The following EP300 variants were observed in gnomAD, a reference collection of about 807,000 sequenced individuals.
EP300 encodes the protein histone acetyltransferase p300.
EP300 carries 31 observed loss-of-function variants against 264.0 expected under a neutral mutation model. That is an observed-to-expected ratio of 0.12 (90% CI 0.09 to 0.16). The LOEUF (loss-of-function observed/expected upper bound fraction) is 0.16. Among genes scored for constraint, EP300 ranks in the 10% least tolerant of loss-of-function variants. The pLI is 1.00. For synonymous variants in EP300, 1,340 were observed against 1,045.4 expected (o/e 1.28, Z -5.44); for missense variants, 2,766 against 3,052.9 (o/e 0.91, Z 2.21).
chr22:41,100,535 C>G (rs935357494), intron 1 of EP300, among the ~76,000 whole-genome samples: 1 of 152,112 alleles, frequency 6.6e-6, no homozygotes, highest in Admixed American at 6.6e-5. Context: ...GAGTCAGCCA[C>G]AGATTGAAAA....
intron 8 of EP300, 23 bp from the exon 9 acceptor site, chr22:41,140,117 G>T (rs773989421): frequency 2.2e-5 from 33 of 1,503,302 alleles, no homozygotes; most frequent in Middle Eastern, 1.7e-4. Flanking sequence ...TGATATTACA[G>T]TGGTAGGATT....
In EP300 at chr22:41,129,166, ATGG is replaced by A. The variant is rs1182337660; in HGVS notation, c.1169-723_1169-721del. Among the ~76,000 whole-genome samples the A allele has an allele frequency of 2.3e-4, 20 of 86,670 alleles. No individual in the cohort carries two copies. In the Admixed American group the frequency reaches 2.7e-3, roughly 12 times the overall value. 56.9% of individuals were successfully genotyped at this position (86,670 alleles called of 152,430 possible). A position where few individuals can be genotyped will look rare whatever the true frequency, so the allele number is the denominator to read the frequency against. On this transcript the variant is annotated intron_variant, in intron 4 of 30. Coordinates refer to ENST00000263253, the MANE Select transcript of EP300 (RefSeq NM_001429.4). The stretch of plus-strand genomic sequence containing the variant: ...GATGGGACTACAGGCGCCCGCCACC[ATGG>A]CGGCTAATTTTTTTTGTATTTTTGG...
chr22:41,094,398 C>G (rs1447135528), intron 1 of EP300, among the ~76,000 whole-genome samples: 1 of 152,184 alleles, frequency 6.6e-6, no homozygotes, highest in East Asian at 1.9e-4. Context: ...AGAGCTAATG[C>G]TTTGAATTCG....
chr22:41,176,814 T>C lies in EP300; in HGVS notation c.5103T>C (p.His1701=). Residue 1701 remains histidine, a synonymous_variant, in exon 31 of 31, where the codon CAT becomes CAC. Coordinates refer to ENST00000263253, the MANE Select transcript of EP300 (RefSeq NM_001429.4). The stretch of plus-strand genomic sequence containing the variant: ...TCACCTGCTATAACACTAAAAACCA[T>C]GACCACAAAATGGAGAAACTAGGCC... ...LCITCYNTKN[H]DHKMEKLGLG... is the part of the protein sequence containing the mutation. 1 of 1,614,168 alleles carries C rather than the reference T, an allele frequency of 6.2e-7. No homozygotes were observed. The highest frequency in any genetic ancestry group is 1.1e-5 in the South Asian group (1 of 91,074).
chr22:41,137,596 A>C (rs1393306305), intron 7 of EP300, 57 bp from the exon 8 acceptor site: 1 of 1,609,176 alleles, frequency 6.2e-7, no homozygotes, highest in African/African-American at 1.3e-5. Flanking sequence ...GCTTGAATTA[A>C]ATGAGGTCTT....
chr22:41,141,637 G>C (rs1186616113), intron 10 of EP300, among the ~76,000 whole-genome samples: 2 of 151,034 alleles, frequency 1.3e-5, no homozygotes, highest in African/African-American at 4.9e-5. Context: ...CTTTCTACTT[G>C]ACATAAAATA....
intron 12 of EP300, among the ~76,000 whole-genome samples, chr22:41,148,299 T>C (rs1360535035): frequency 1.3e-5 from 2 of 152,326 alleles, no homozygotes; most frequent in Admixed American, 6.5e-5. Flanking sequence ...CTGCTCCTTA[T>C]GCGAACTCTT....
intron 14 of EP300, among the ~76,000 whole-genome samples, chr22:41,150,840 G>A (rs943272842): frequency 3.4e-4 from 52 of 151,030 alleles, no homozygotes; most frequent in African/African-American, 1.1e-3. Flanking sequence ...GCAGTGATCC[G>A]AGATTGCGCC....
intron 14 of EP300, 46 bp downstream of exon 14, chr22:41,150,244 T>C (rs761832389): frequency 1.3e-6 from 2 of 1,535,944 alleles, no homozygotes; most frequent in Non-Finnish European, 1.8e-6. Flanking sequence ...AGCTATACTG[T>C]AGTATTATAT....
intron 1 of EP300, among the ~76,000 whole-genome samples, chr22:41,111,419 C>T (rs2058789548): frequency 6.6e-6 from 1 of 152,190 alleles, no homozygotes; most frequent in Non-Finnish European, 1.5e-5. Context: ...AAATTGACAA[C>T]AGTTGTGTAT....
At chr22:41,096,914 C>T (rs139945144) in intron 1 of EP300, among the ~76,000 whole-genome samples, 1 of 152,138 alleles carries the variant, frequency 6.6e-6, no homozygotes, top group East Asian at 1.9e-4. Context: ...CCACCATGCC[C>T]GGCTGTCAGC....
rs1384121583 is a variant in EP300, at chr22:41,170,581, G to A, written c.4452+10G>A. The A allele has an allele frequency of 6.2e-7, 1 of 1,612,808 alleles. No individual in the cohort carries two copies. The highest frequency in any genetic ancestry group is 8.5e-7 in the Non-Finnish European group (1 of 1,179,430). On this transcript the variant is annotated intron_variant, in intron 27 of 30. Coordinates refer to ENST00000263253, the MANE Select transcript of EP300 (RefSeq NM_001429.4). ...TGTCCATGACTACAAGGTCAGTTGG[G>A]ACATAGGGGCCAGGTGCTGACAATA...
chr22:41,164,994 G>A (rs1217967629), intron 22 of EP300, among the ~76,000 whole-genome samples: 1 of 152,194 alleles, frequency 6.6e-6, no homozygotes, highest in Non-Finnish European at 1.5e-5. Context: ...TTCTTGGGCT[G>A]ATTGTTGTTC....
chr22:41,147,042 C>T (rs1481451568), intron 11 of EP300, among the ~76,000 whole-genome samples: 2 of 152,106 alleles, frequency 1.3e-5, no homozygotes, highest in East Asian at 3.9e-4. Flanking sequence ...TGGTGGCTCA[C>T]GCTTGTAATC....
At chr22:41,120,521 A>T (rs780925198) in intron 2 of EP300, among the ~76,000 whole-genome samples, 1 of 152,172 alleles carries the variant, frequency 6.6e-6, no homozygotes, top group Non-Finnish European at 1.5e-5. Context: ...CCTGTTGGCA[A>T]ATGACATCAG....
At chr22:41,133,145 A>G (rs1007637558) in intron 6 of EP300, among the ~76,000 whole-genome samples, 1 of 117,878 alleles carries the variant, frequency 8.5e-6, no homozygotes, top group Admixed American at 1.1e-4. Flanking sequence ...CACCTGGCCT[A>G]AGATTATCCC....
chr22:41,113,084 G>T (rs1003283287), intron 1 of EP300, among the ~76,000 whole-genome samples: 1 of 149,740 alleles, frequency 6.7e-6, no homozygotes, highest in Non-Finnish European at 1.5e-5. Flanking sequence ...CCATTTCTCA[G>T]TCTGTACCTA....
chr22:41,129,019 T>G (rs2145712098), intron 4 of EP300, among the ~76,000 whole-genome samples: 2 of 146,558 alleles, frequency 1.4e-5, no homozygotes, highest in South Asian at 4.3e-4. Context: ...AAAAACACAG[T>G]TTTTTTTTTG....
At chr22:41,165,712 G>A (rs899035993) in intron 22 of EP300, among the ~76,000 whole-genome samples, 1 of 151,384 alleles carries the variant, frequency 6.6e-6, no homozygotes, top group African/African-American at 2.4e-5. Context: ...ATGAGCCACT[G>A]CACCTGGCAC....
Sources: gnomAD v4.1 joint callset for allele counts (sites outside exome capture counted in the v4.1 genomes callset) on GRCh38, gnomAD v4.1.1 for gene constraint, MANE v1.5 for transcripts, NCBI Gene and HGNC (gene_info 2026-07-23, HGNC 2026-07-21) for gene names.